PANK4: variants seen among roughly 807,000 people sequenced by gnomAD.
The protein encoded by PANK4 is 4'-phosphopantetheine phosphatase.
Under a neutral mutation model 87.9 loss-of-function variants are expected in PANK4, and 40 were observed. The ratio of observed to expected loss-of-function variants is 0.46; its 90% confidence interval spans 0.35 to 0.59. PANK4 has a LOEUF of 0.59. Among genes scored for constraint, PANK4 ranks in the 20% least tolerant of loss-of-function variants. The pLI is 0.00. For synonymous variants in PANK4, 524 were observed against 467.4 expected, an observed-to-expected ratio of 1.12 and a Z score of -1.56; for missense variants, 926 against 1,072.3, an observed-to-expected ratio of 0.86 and a Z score of 1.90.
chr1:2,511,781 A>G, intron 13 of PANK4, 98 bp from the exon 14 acceptor site: 1 of 742,292 alleles, frequency 1.3e-6, no homozygotes, highest in East Asian at 2.6e-5. Context: ...CAGGCGGGAC[A>G]GAGGCAGCTG....
chr1:2,521,244 G>GT lies in PANK4; in HGVS notation c.278_279insA (p.Phe93LeufsTer3). On this transcript the variant is annotated frameshift_variant, in exon 3 of 19. Transcript: ENST00000378466. LOFTEE classifies it high-confidence loss of function. ...CGATGTAGGTATTCTCAAACTTAAT[G>GT]AAGTGCAGTCGAGCAGTGATCTCTT... is the stretch of plus-strand genomic sequence containing the variant. 1 of 1,613,910 alleles carries GT rather than the reference G, an allele frequency of 6.2e-7. No homozygotes were observed. The highest frequency in any genetic ancestry group is 8.5e-7 in the Non-Finnish European group (1 of 1,179,944).
At chr1:2,521,856 G>A (rs755925697) in intron 1 of PANK4, 56 bp from the exon 2 acceptor site, 2 of 1,371,320 alleles carry the variant, frequency 1.5e-6, no homozygotes, top group East Asian at 4.6e-5. Context: ...GCGGGGCCTG[G>A]GGGTCCATGC....
intron 9 of PANK4, among the ~76,000 whole-genome samples, chr1:2,516,238 G>A (rs530474167): frequency 5.9e-5 from 9 of 152,068 alleles, no homozygotes; most frequent in South Asian, 2.1e-4. Flanking sequence ...GCCGGGCAGG[G>A]AGTCCCCACG....
chr1:2,520,625 C>G lies in PANK4; in HGVS notation c.606+98G>C. The G allele has an allele frequency of 8.0e-7, 1 of 1,252,120 alleles. No individual in the cohort carries two copies. Among genetic ancestry groups the G allele is most frequent in the Admixed American group, 1.9e-5 (1 of 51,636 alleles). The allele number at this position is 1,252,120 out of a possible 1,614,324, so 77.6% of individuals were successfully genotyped here. ...CGCCACCCCCCTCCCGCCCACTGGG[C>G]CCCATCCATGTGCCCAGCCCTGGCT... On this transcript the variant is annotated intron_variant, in intron 4 of 18. Transcript: ENST00000378466. The surrounding 1 kb of genome is among the most constrained non-coding windows in gnomAD (Gnocchi z 6.2).
At chr1:2,513,117 G>A (rs1158809110) in intron 12 of PANK4, 78 bp from the exon 13 acceptor site, 39 of 1,451,362 alleles carry the variant, frequency 2.7e-5, no homozygotes, top group Non-Finnish European at 3.5e-5. Context: ...GGCGCAGCCT[G>A]TTCCATACCA....
chr1:2,520,608 C>G lies in PANK4; in HGVS notation c.606+115G>C, dbSNP rs370791110. 4 of 1,151,660 alleles carry G rather than the reference C, an allele frequency of 3.5e-6. No individual in the cohort carries two copies. In the South Asian group the frequency reaches 4.2e-5, roughly 12 times the overall value. 71.3% of individuals were successfully genotyped at this position (1,151,660 alleles called of 1,614,324 possible). ...CTCTGAGCTCACAGCCTCGCCACCC[C>G]CCTCCCGCCCACTGGGCCCCATCCA... On this transcript the variant is annotated intron_variant, in intron 4 of 18. Coordinates refer to ENST00000378466, the MANE Select transcript of PANK4 (RefSeq NM_018216.4). This position sits in a 1 kb window ranked among gnomAD's most constrained non-coding sequence, Gnocchi z 6.2.
intron 1 of PANK4, among the ~76,000 whole-genome samples, chr1:2,524,684 T>C (rs920224113): frequency 6.6e-6 from 1 of 152,174 alleles, no homozygotes; most frequent in Non-Finnish European, 1.5e-5. Context: ...ACACAGAACA[T>C]CCACGGTGAG....
rs1439678435 is a variant in PANK4, at chr1:2,511,796, A to G, written c.1728-113T>C. The stretch of plus-strand genomic sequence containing the variant: ...CAGGCGGGACAGAGGCAGCTGCTCA[A>G]TGTAAAGATCCCAAATCCCTCCCAG... On this transcript the variant is annotated intron_variant, in intron 13 of 18. Transcript: ENST00000378466. The G allele has an allele frequency of 8.5e-6, 6 of 703,908 alleles. No homozygotes were observed. In the Admixed American group the frequency reaches 1.2e-4, roughly 15 times the overall value. The allele number at this position is 703,908 out of a possible 1,614,324, so 43.6% of individuals were successfully genotyped here.
chr1:2,514,082 C>T lies in PANK4; in HGVS notation c.1495G>A (p.Gly499Arg). The change falls in exon 12 of 19, where the codon GGG (glycine) becomes AGG (arginine). Residue 499 changes from glycine to arginine, a missense_variant. Transcript: ENST00000378466. ...AGCAGGCTGCGCACGGTCAGGGTCC[C>T]ATAGGCGCTGGGGACAGACACGGCA... ...QTLRQQPFAY[G>R]TLTVRSLLDT... 1 of 1,612,242 alleles carries T rather than the reference C, an allele frequency of 6.2e-7. No individual in the cohort carries two copies. Among genetic ancestry groups the T allele is most frequent in the East Asian group, 2.2e-5 (1 of 44,866 alleles).
Position 2,520,438 on chromosome 1 carries a change from T to TGCCCTCAGTGG in PANK4, c.607-35_607-25dup, listed in dbSNP as rs750164429. On this transcript the variant is annotated intron_variant, in intron 4 of 18. Coordinates refer to ENST00000378466, the MANE Select transcript of PANK4 (RefSeq NM_018216.4). This position sits in a 1 kb window ranked among gnomAD's most constrained non-coding sequence, Gnocchi z 6.2. ...ACCTGCAACAGAGCCAGGGCAGGTGTGCCCTCAGTGGGCCCTCAGCCACAC... is the reference window on the plus strand; with the variant it reads ...ACCTGCAACAGAGCCAGGGCAGGTGTGCCCTCAGTGGGCCCTCAGTGGGCCCTCAGCCACAC... 8 of 1,597,450 alleles carry TGCCCTCAGTGG rather than the reference T, an allele frequency of 5.0e-6. No individual in the cohort carries two copies. Among genetic ancestry groups the TGCCCTCAGTGG allele is most frequent in the African/African-American group, 1.3e-5 (1 of 74,628 alleles).
chr1:2,509,957 C>T lies in PANK4; in HGVS notation c.2040-27G>A. ...TGCCAGATACAAGGTGGTCAGTGCC[C>T]CCAGGAGCTCCCAGTTCAGTGACAA... On this transcript the variant is annotated intron_variant, in intron 17 of 18. Coordinates refer to ENST00000378466, the MANE Select transcript of PANK4 (RefSeq NM_018216.4). The surrounding 1 kb of genome is among the most constrained non-coding windows in gnomAD (Gnocchi z 4.9). 1 of 1,599,986 alleles carries T rather than the reference C, an allele frequency of 6.3e-7. No individual in the cohort carries two copies. The highest frequency in any genetic ancestry group is 1.1e-5 in the South Asian group (1 of 89,410).
Position 2,515,473 on chromosome 1 carries a change from C to T in PANK4, c.1374+89G>A. ...TTCTGGACAACACTGGCCTGTCCCC[C>T]TTCGCCACCTTGGCTTTGCCCCCGG... On this transcript the variant is annotated intron_variant, in intron 10 of 18. Coordinates refer to ENST00000378466, the MANE Select transcript of PANK4 (RefSeq NM_018216.4). This position sits in a 1 kb window ranked among gnomAD's most constrained non-coding sequence, Gnocchi z 5.0. 1 of 1,419,354 alleles carries T rather than the reference C, an allele frequency of 7.0e-7. No individual in the cohort carries two copies. 87.9% of individuals were successfully genotyped at this position (1,419,354 alleles called of 1,614,324 possible).
chr1:2,511,458 G>A, intron 14 of PANK4, 71 bp from the exon 15 acceptor site: 2 of 1,250,866 alleles, frequency 1.6e-6, no homozygotes, highest in Admixed American at 1.7e-5. Context: ...GCGTCTTCAG[G>A]TGTTCGTCTC....
Position 2,508,633 on chromosome 1 carries a change from A to T in PANK4, c.*214T>A, listed in dbSNP as rs1643607706. On this transcript the variant is annotated 3_prime_UTR_variant, in exon 19 of 19. Transcript: ENST00000378466. The surrounding 1 kb of genome is among the most constrained non-coding windows in gnomAD (Gnocchi z 5.1). ...CTATTTATATATATATATATATAAA[A>T]GGTTCTTTAGCAGTTAAATAGATTC... 1 of 359,234 alleles carries T rather than the reference A, an allele frequency of 2.8e-6. No individual in the cohort carries two copies. Among genetic ancestry groups the T allele is most frequent in the Non-Finnish European group, 4.9e-6 (1 of 205,232 alleles). The allele number at this position is 359,234 out of a possible 1,614,324, so 22.3% of individuals were successfully genotyped here.
rs1444151032 is a variant in PANK4, at chr1:2,519,308, G to A, written c.870C>T (p.Asp290=). Residue 290 remains aspartate, a synonymous_variant, in exon 7 of 19, where the codon GAC becomes GAT. Transcript: ENST00000378466. This position sits in a 1 kb window ranked among gnomAD's most constrained non-coding sequence, Gnocchi z 8.3. ...TCATGTGCAGCAGGCTCTTCGCCAT[G>A]TCTTCTTTGGAGAACTCTGAGGAAG... ...ATADQEFSKE[D]MAKSLLHMIS... is the part of the protein sequence containing the mutation. 2 of 1,608,162 alleles carry A rather than the reference G, an allele frequency of 1.2e-6. No homozygotes were observed. The highest frequency in any genetic ancestry group is 1.3e-5 in the African/African-American group (1 of 74,838).
chr1:2,509,122 A>G lies in PANK4; in HGVS notation c.2109-62T>C. 7.5e-7 allele frequency: 1 copy of G among 1,332,146 alleles called. No individual in the cohort carries two copies. Among genetic ancestry groups the G allele is most frequent in the Non-Finnish European group, 1.0e-6 (1 of 961,710 alleles). 82.5% of individuals were successfully genotyped at this position (1,332,146 alleles called of 1,614,324 possible). ...AGACCCCAGACCCCACTTCCCATAC[A>G]GTGCGGCGACCAACGTGAAGGCTGA... On this transcript the variant is annotated intron_variant, in intron 18 of 18. Transcript: ENST00000378466. This position sits in a 1 kb window ranked among gnomAD's most constrained non-coding sequence, Gnocchi z 4.9.
At position 2,519,144 on chromosome 1, in the gene PANK4, T is replaced by C. The variant is rs1157567508; in HGVS notation, c.1034A>G (p.Lys345Arg). 6.2e-7 allele frequency: 1 copy of C among 1,611,110 alleles called. No homozygotes were observed. Residue 345 changes from lysine (K) to arginine (R), a missense_variant and splice_region_variant, in exon 7 of 19, where the codon AAG becomes AGG. Physicochemically the swap from Lys to Arg is conservative, Grantham distance 26 (BLOSUM62 2). Coordinates refer to ENST00000378466, the MANE Select transcript of PANK4 (RefSeq NM_018216.4). The surrounding 1 kb of genome is among the most constrained non-coding windows in gnomAD (Gnocchi z 8.3). The part of the protein sequence containing the change: ...TITYSINFFS[K>R]GEVQALFLRH... ...TGGGGAGGGCGGCGCATCCGTTACC[T>C]TGGAGAAGAAGTTGATGCTATAGGT...
In PANK4 at chr1:2,514,385, T is replaced by C. The variant is rs762948459; in HGVS notation, c.1456A>G (p.Asn486Asp). The change falls in exon 11 of 19, where the codon AAC becomes GAC. Residue 486 changes from asparagine to aspartate, a missense_variant. Asn to Asp is a conservative substitution (Grantham distance 23). Transcript: ENST00000378466. ...RAEKFRQKYWNKLQTLRQQPF... is the reference protein window; with the variant it reads ...RAEKFRQKYWDKLQTLRQQPF... ...TGCTGCCTCAGGGTCTGAAGCTTGTTCCAGTACTTCTGCCGGAACTTCTCC... is the reference window on the plus strand; with the variant it reads ...TGCTGCCTCAGGGTCTGAAGCTTGTCCCAGTACTTCTGCCGGAACTTCTCC... The C allele has an allele frequency of 3.9e-5, 63 of 1,612,492 alleles. 3 individuals carry two copies. In the South Asian group the frequency reaches 6.5e-4, roughly 17 times the overall value.
In PANK4 at chr1:2,517,068, T is replaced by C. The variant is rs558838837; in HGVS notation, c.1218+1096A>G. 1.1e-3 allele frequency among the ~76,000 whole-genome samples: 166 copies of C among 152,266 alleles called. 1 individual carries two copies. Among genetic ancestry groups the C allele is most frequent in the Admixed American group, 3.3e-3 (51 of 15,300 alleles). On this transcript the variant is annotated intron_variant, in intron 9 of 18. Transcript: ENST00000378466. ...TCACTCCAGGTTACAGTCCAGGACA[T>C]TTGGCAAATTATGCACACTTGGCAA...
Sources: gnomAD v4.1 joint callset for allele counts (sites outside exome capture counted in the v4.1 genomes callset) on GRCh38, gnomAD v4.1.1 for gene constraint, Gnocchi (gnomAD v3.1) non-coding constraint, MANE v1.5 for transcripts, NCBI Gene and HGNC (gene_info 2026-07-23, HGNC 2026-07-21) for gene names.